ACOX2: variants seen among roughly 807,000 people sequenced by gnomAD.
ACOX2 encodes the protein peroxisomal acyl-coenzyme A oxidase 2.
In ACOX2, 59 loss-of-function variants were observed where a neutral mutation model predicts 77.5. The observed-to-expected ratio is 0.76, with a 90% CI of 0.62 to 0.95. The LOEUF is 0.95. Ranked by LOEUF, ACOX2 falls within the 40% of genes least tolerant of loss-of-function variation. The pLI, the probability that ACOX2 is intolerant of heterozygous loss-of-function variation, is 0.00. For synonymous variants in ACOX2, 317 were observed against 340.1 expected (o/e 0.93, Z 0.75); for missense variants, 837 against 880.4 (o/e 0.95, Z 0.62).
Position 58,534,730 on chromosome 3 carries a change from A to G in ACOX2, c.161-208T>C. The G allele has an allele frequency of 2.2e-6, 3 of 1,358,440 alleles. No homozygotes were observed. The South Asian group carries it at 3.7e-5, about 17-fold the overall frequency. 84.1% of individuals were successfully genotyped at this position (1,358,440 alleles called of 1,614,324 possible). On this transcript the variant is annotated intron_variant, in intron 2 of 14. Transcript: ENST00000302819. The surrounding 1 kb of genome is among the most constrained non-coding windows in gnomAD (Gnocchi z 4.8). Reference sequence around the variant, plus strand: ...TGGCAGAATTTTAGGACCAGAATCCAGGTCTTCTGCTGCCTAGGACTCTTC... The same window carrying G: ...TGGCAGAATTTTAGGACCAGAATCCGGGTCTTCTGCTGCCTAGGACTCTTC...
Position 58,515,678 on chromosome 3 carries a change from A to G in ACOX2, c.1850+1528T>C, listed in dbSNP as rs190984689. 6.6e-6 allele frequency among the ~76,000 whole-genome samples: 1 copy of G among 152,320 alleles called. No homozygotes were observed. The highest frequency in any genetic ancestry group is 2.4e-5 in the African/African-American group (1 of 41,578). On this transcript the variant is annotated intron_variant, in intron 13 of 14. Coordinates refer to ENST00000302819, the MANE Select transcript of ACOX2 (RefSeq NM_003500.4). The surrounding 1 kb of genome is among the most constrained non-coding windows in gnomAD (Gnocchi z 4.0). The stretch of plus-strand genomic sequence containing the variant: ...TCGCCTCTAACCCCATGCAATAGGT[A>G]TCATATTTTCTGCCCAGTGAGGTCT...
intron 14 of ACOX2, among the ~76,000 whole-genome samples, chr3:58,507,743 T>C (rs2063245522): frequency 6.6e-6 from 1 of 152,206 alleles, no homozygotes; most frequent in Non-Finnish European, 1.5e-5. Flanking sequence ...AGTGAACATA[T>C]ATTGTTTATA....
At chr3:58,507,409 A>T (rs2063242819) in intron 14 of ACOX2, among the ~76,000 whole-genome samples, 1 of 152,222 alleles carries the variant, frequency 6.6e-6, no homozygotes, top group Non-Finnish European at 1.5e-5. Context: ...ACATGTTCTC[A>T]TGTAGTATCC....
intron 14 of ACOX2, among the ~76,000 whole-genome samples, chr3:58,507,366 C>A (rs1422806362): frequency 6.6e-6 from 1 of 152,148 alleles, no homozygotes; most frequent in Non-Finnish European, 1.5e-5. Context: ...ATGTGTTGAC[C>A]CTCTGGGTCA....
rs2063372133 is a variant in ACOX2 at position 58,523,214 on chromosome 3, T to TG, written c.1527-614_1527-613insC. On this transcript the variant is annotated intron_variant, in intron 11 of 14. Transcript: ENST00000302819. The surrounding 1 kb of genome is among the most constrained non-coding windows in gnomAD (Gnocchi z 5.3). ...AGAATTTGTGTGTAAAGCAAACTGTTTATTAAGCAATATGTTTTTTGCTTT... is the reference window on the plus strand; with the variant it reads ...AGAATTTGTGTGTAAAGCAAACTGTTGTATTAAGCAATATGTTTTTTGCTTT... Among the ~76,000 whole-genome samples, 2 of 152,220 alleles carry TG rather than the reference T, an allele frequency of 1.3e-5. No individual in the cohort carries two copies. Among genetic ancestry groups the TG allele is most frequent in the African/African-American group, 4.8e-5 (2 of 41,456 alleles).
rs764469033 is a variant in ACOX2 at position 58,521,897 on chromosome 3, C to G, written c.1632+599G>C. On this transcript the variant is annotated intron_variant, in intron 12 of 14. Coordinates refer to ENST00000302819, the MANE Select transcript of ACOX2 (RefSeq NM_003500.4). The surrounding 1 kb of genome is among the most constrained non-coding windows in gnomAD (Gnocchi z 4.8). ...TTTTCTCTCCAAAGCTGCCACCCCA[C>G]CCTTTAGCTGGCTAATTTCAGCTTA... Among the ~76,000 whole-genome samples the G allele has an allele frequency of 1.3e-5, 2 of 152,242 alleles. No individual in the cohort carries two copies. Among genetic ancestry groups the G allele is most frequent in the African/African-American group, 2.4e-5 (1 of 41,464 alleles).
chr3:58,510,033 A>G (rs1367842599), intron 13 of ACOX2, among the ~76,000 whole-genome samples: 2 of 152,112 alleles, frequency 1.3e-5, no homozygotes, highest in Non-Finnish European at 2.9e-5. Flanking sequence ...AAAGGTAAAG[A>G]TTTATATTTA....
rs1250075745 is a variant in ACOX2, at chr3:58,533,028, C to T, written c.583+417G>A. Among the ~76,000 whole-genome samples, 1 of 152,114 alleles carries T rather than the reference C, an allele frequency of 6.6e-6. No homozygotes were observed. Among genetic ancestry groups the T allele is most frequent in the African/African-American group, 2.4e-5 (1 of 41,402 alleles). On this transcript the variant is annotated intron_variant, in intron 5 of 14. Transcript: ENST00000302819. The surrounding 1 kb of genome is among the most constrained non-coding windows in gnomAD (Gnocchi z 5.6). ...GGTGTCTGCAGCAGGGGCAGGCAGG[C>T]GTATTCTTTCCACTGTGTCATCACA...
At position 58,534,861 on chromosome 3, in the gene ACOX2, G is replaced by T; in HGVS notation, c.160+86C>A. 3 of 1,575,646 alleles carry T rather than the reference G, an allele frequency of 1.9e-6. No individual in the cohort carries two copies. In the East Asian group the frequency reaches 6.7e-5, roughly 35 times the overall value. ...ATTTCAAGGGCAAAGTTTGTTATTT[G>T]GAAGCAGAACTGCTAATGAAGGACT... is the stretch of plus-strand genomic sequence containing the variant. On this transcript the variant is annotated intron_variant, in intron 2 of 14. Coordinates refer to ENST00000302819, the MANE Select transcript of ACOX2 (RefSeq NM_003500.4). The surrounding 1 kb of genome is among the most constrained non-coding windows in gnomAD (Gnocchi z 4.8).
chr3:58,529,376 C>T (rs971300278), intron 8 of ACOX2, among the ~76,000 whole-genome samples: 1 of 152,178 alleles, frequency 6.6e-6, no homozygotes, highest in African/African-American at 2.4e-5. Flanking sequence ...CAAGCCTAAA[C>T]AATAACTCTT....
In ACOX2 at chr3:58,526,590, A is replaced by G. The variant is rs1191046658; in HGVS notation, c.1222T>C (p.Cys408Arg). The change falls in exon 10 of 15, where the codon TGC becomes CGC. Residue 408 changes from cysteine (C) to arginine (R), a missense_variant. Physicochemically the swap from Cys to Arg is radical, Grantham distance 180. Coordinates refer to ENST00000302819, the MANE Select transcript of ACOX2 (RefSeq NM_003500.4). This position sits in a 1 kb window ranked among gnomAD's most constrained non-coding sequence, Gnocchi z 4.3. ...SEFCTQGAEM[C>R]RRACGGHGYS... ...CCATGTCCGCCACAGGCCCTGCGGC[A>G]CATCTCAGCTCCCTGGGTGCAGAAT... The G allele has an allele frequency of 1.9e-6, 3 of 1,614,088 alleles. No individual in the cohort carries two copies. Among genetic ancestry groups the G allele is most frequent in the East Asian group, 2.2e-5 (1 of 44,898 alleles).
chr3:58,533,651 T>A lies in ACOX2; in HGVS notation c.476-99A>T. 1 of 1,093,948 alleles carries A rather than the reference T, an allele frequency of 9.1e-7. No homozygotes were observed. The highest frequency in any genetic ancestry group is 1.4e-6 in the Non-Finnish European group (1 of 728,100). The allele number at this position is 1,093,948 out of a possible 1,614,324, so 67.8% of individuals were successfully genotyped here. A position where few individuals can be genotyped will look rare whatever the true frequency, so the allele number is the denominator to read the frequency against. ...TCTGAACTCTTAGGCATCAGCGCAG[T>A]ATGGAGTGGGGCCCAGCTCCCAGCT... On this transcript the variant is annotated intron_variant, in intron 4 of 14. Transcript: ENST00000302819. This position sits in a 1 kb window ranked among gnomAD's most constrained non-coding sequence, Gnocchi z 5.6.
chr3:58,527,342 C>T (rs2063403065), intron 9 of ACOX2, among the ~76,000 whole-genome samples: 1 of 151,952 alleles, frequency 6.6e-6, no homozygotes, highest in African/African-American at 2.4e-5. Flanking sequence ...TCGAGGCCAT[C>T]CTGGCCAACA....
chr3:58,514,987 C>T lies in ACOX2; in HGVS notation c.1850+2219G>A, dbSNP rs987503246. 2.0e-5 allele frequency among the ~76,000 whole-genome samples: 3 copies of T among 151,940 alleles called. No homozygotes were observed. Among genetic ancestry groups the T allele is most frequent in the African/African-American group, 4.8e-5 (2 of 41,328 alleles). On this transcript the variant is annotated intron_variant, in intron 13 of 14. Coordinates refer to ENST00000302819, the MANE Select transcript of ACOX2 (RefSeq NM_003500.4). The surrounding 1 kb of genome is among the most constrained non-coding windows in gnomAD (Gnocchi z 4.3). ...ATACCTGGGACATAATTGTGTCAAA[C>T]GTATTTTTGACAGTTTTTGATGATT...
chr3:58,522,570 T>C lies in ACOX2; in HGVS notation c.1558A>G (p.Thr520Ala), dbSNP rs908404541. Residue 520 changes from threonine to alanine, a missense_variant, in exon 12 of 15, where the codon ACC (threonine) becomes GCC (alanine). Physicochemically the swap from Thr to Ala is moderately conservative, Grantham distance 58. Coordinates refer to ENST00000302819, the MANE Select transcript of ACOX2 (RefSeq NM_003500.4). The surrounding 1 kb of genome is among the most constrained non-coding windows in gnomAD (Gnocchi z 4.3). ...TGGTCAGCTCCGGATTGCGTCAGGG[T>C]CTGTAAATGCTGCACTGAGTCCTTT... is the stretch of plus-strand genomic sequence containing the variant. ...LIKDSVQHLQ[T>A]LTQSGADQHE... 3.1e-6 allele frequency: 5 copies of C among 1,613,916 alleles called. No individual in the cohort carries two copies. In the African/African-American group the frequency reaches 6.7e-5, roughly 22 times the overall value.
rs1357509281 is a variant in ACOX2 at position 58,531,278 on chromosome 3, C to T, written c.792G>A (p.Arg264=). The T allele has an allele frequency of 6.2e-7, 1 of 1,613,220 alleles. No individual in the cohort carries two copies. The highest frequency in any genetic ancestry group is 1.1e-5 in the South Asian group (1 of 91,034). ...FLQLNHVRVP[R]ENMLSRFAQV... ...GTGCAAAGCGACTCAGCATGTTCTC[C>T]CTGGGGACCCGCACATGGTTCAGCT... is the stretch of plus-strand genomic sequence containing the variant. The change falls in exon 7 of 15, where the codon AGG becomes AGA. Residue 264 remains arginine, a synonymous_variant. Transcript: ENST00000302819. This position sits in a 1 kb window ranked among gnomAD's most constrained non-coding sequence, Gnocchi z 5.8.
In ACOX2 at chr3:58,522,634, T is replaced by A; in HGVS notation, c.1527-33A>T. The stretch of plus-strand genomic sequence containing the variant: ...CCAAAGCAAAAAAGGTTCAGCTTCC[T>A]GACTGAGTGGAAAAGACAACTGATG... On this transcript the variant is annotated intron_variant, in intron 11 of 14. Transcript: ENST00000302819. This position sits in a 1 kb window ranked among gnomAD's most constrained non-coding sequence, Gnocchi z 4.3. 6.2e-7 allele frequency: 1 copy of A among 1,600,036 alleles called. No homozygotes were observed. The highest frequency in any genetic ancestry group is 8.6e-7 in the Non-Finnish European group (1 of 1,167,168).
At position 58,531,982 on chromosome 3, in the gene ACOX2, C is replaced by T. The variant is rs762265597; in HGVS notation, c.584-170G>A. ...CCAAAGAACCAAGCAAACCTAGCAG[C>T]GTTGGCAAAGGCACTGTGAAATGAT... On this transcript the variant is annotated intron_variant, in intron 5 of 14. Transcript: ENST00000302819. This position sits in a 1 kb window ranked among gnomAD's most constrained non-coding sequence, Gnocchi z 5.8. Among the ~76,000 whole-genome samples, 4 of 152,136 alleles carry T rather than the reference C, an allele frequency of 2.6e-5. No homozygotes were observed. The highest frequency in any genetic ancestry group is 2.0e-4 in the Admixed American group (3 of 15,284).
intron 14 of ACOX2, among the ~76,000 whole-genome samples, chr3:58,508,388 G>A (rs1382238039): frequency 1.3e-5 from 2 of 152,158 alleles, no homozygotes; most frequent in Admixed American, 1.3e-4. Flanking sequence ...TCCTTGGATT[G>A]TATTCCTTAG....
Sources: gnomAD v4.1 joint callset for allele counts (sites outside exome capture counted in the v4.1 genomes callset) on GRCh38, gnomAD v4.1.1 for gene constraint, Gnocchi (gnomAD v3.1) non-coding constraint, MANE v1.5 for transcripts, NCBI Gene and HGNC (gene_info 2026-07-23, HGNC 2026-07-21) for gene names.